EPB41L4A: variants seen among roughly 807,000 people sequenced by gnomAD.
The protein encoded by EPB41L4A is band 4.1-like protein 4A.
In EPB41L4A, 100 loss-of-function variants were observed where a neutral mutation model predicts 108.6. The ratio of observed to expected loss-of-function variants is 0.92; its 90% confidence interval spans 0.78 to 1.09. The LOEUF (loss-of-function observed/expected upper bound fraction) is 1.09. Ranked by LOEUF, EPB41L4A falls within the 50% of genes least tolerant of loss-of-function variation. The probability of loss-of-function intolerance (pLI) is 0.00; values close to 1 mark genes in which losing one functional copy is unlikely to be tolerated. For missense variants in EPB41L4A, 1,030 were observed against 842.7 expected (o/e 1.22, Z -2.75); for synonymous variants, 319 against 289.0 (o/e 1.10, Z -1.05).
At chr5:112,335,864 T>C (rs1756883007) in intron 1 of EPB41L4A, among the ~76,000 whole-genome samples, 1 of 152,216 alleles carries the variant, frequency 6.6e-6, no homozygotes, top group South Asian at 2.1e-4. Context: ...CCATCACAGC[T>C]GGTGTTTCTC....
chr5:112,263,494 G>C (rs1289638327), intron 6 of EPB41L4A: 2 of 152,134 alleles, frequency 1.3e-5, no homozygotes, highest in African/African-American at 4.8e-5. Context: ...AAACACATGA[G>C]AGCCTTTACC....
chr5:112,273,261 T>C (rs1293777030), intron 4 of EPB41L4A, among the ~76,000 whole-genome samples: 1 of 152,250 alleles, frequency 6.6e-6, no homozygotes, highest in African/African-American at 2.4e-5. Flanking sequence ...GCCATCTATG[T>C]CACTGTGTTC....
At chr5:112,412,164 G>A (rs967906504) in intron 1 of EPB41L4A, among the ~76,000 whole-genome samples, 5 of 152,164 alleles carry the variant, frequency 3.3e-5, no homozygotes, top group Admixed American at 1.3e-4. Flanking sequence ...TTTGGTTATT[G>A]TCTGTGTGAG....
Position 112,164,886 on chromosome 5 carries a change from T to TA in EPB41L4A, c.*103dup. 2 of 1,075,302 alleles carry TA rather than the reference T, an allele frequency of 1.9e-6. No homozygotes were observed. Among genetic ancestry groups the TA allele is most frequent in the Non-Finnish European group, 2.6e-6 (2 of 783,122 alleles). The allele number at this position is 1,075,302 out of a possible 1,614,324, so 66.6% of individuals were successfully genotyped here. On this transcript the variant is annotated 3_prime_UTR_variant, in exon 23 of 23. Transcript: ENST00000261486. ...AATGTATTTTCTCATGCTGAAGAAA[T>TA]ACTTGCAGGTCTGAGATTTGAATTA...
At chr5:112,419,313 T>G, upstream of EPB41L4A, 2 of 345,410 alleles carry the variant, frequency 5.8e-6, no homozygotes, top group Non-Finnish European at 5.3e-6. Flanking sequence ...CCGCGCATCC[T>G]GCGGCTCGAG....
At chr5:112,153,422 G>A (rs1022720644) in intron 12 of EPB41L4A, among the ~76,000 whole-genome samples, 9 of 150,764 alleles carry the variant, frequency 6.0e-5, no homozygotes, top group Non-Finnish European at 7.4e-5. Context: ...CCAGCTACTC[G>A]GGAGGCTGAG....
chr5:112,176,545 A>G (rs1489906677), intron 18 of EPB41L4A, among the ~76,000 whole-genome samples: 2 of 151,996 alleles, frequency 1.3e-5, no homozygotes, highest in Non-Finnish European at 2.9e-5. Context: ...CAGAAACTCA[A>G]TGTCATCCAT....
rs149627868 is a variant in EPB41L4A at position 112,326,654 on chromosome 5, A to C, written c.100-19164T>G. 2.0e-5 allele frequency among the ~76,000 whole-genome samples: 3 copies of C among 152,336 alleles called. No homozygotes were observed. In the East Asian group the frequency reaches 5.8e-4, roughly 29 times the overall value. ...ATTGCTTACTTCGGCACTCCTAAAA[A>C]GGATGTTATGTGTGGCAGTTCACAC... On this transcript the variant is annotated intron_variant, in intron 1 of 22. Transcript: ENST00000261486.
At chr5:112,249,867 T>G (rs1348212017) in intron 9 of EPB41L4A, among the ~76,000 whole-genome samples, 1 of 152,202 alleles carries the variant, frequency 6.6e-6, no homozygotes, top group Non-Finnish European at 1.5e-5. Context: ...TGCGCTAATA[T>G]GTACTGTGAA....
intron 17 of EPB41L4A, among the ~76,000 whole-genome samples, chr5:112,185,040 C>T (rs1761356381): frequency 6.6e-6 from 1 of 150,602 alleles, no homozygotes; most frequent in Non-Finnish European, 1.5e-5. Context: ...AGAAGAAGTA[C>T]TTAATTTATG....
downstream of EPB41L4A, among the ~76,000 whole-genome samples, chr5:112,142,124 C>T (rs1383344579): frequency 1.3e-5 from 2 of 152,204 alleles, no homozygotes; most frequent in African/African-American, 4.8e-5. Context: ...TTGGAGAAGG[C>T]TGGCTCTGGG....
intron 1 of EPB41L4A, among the ~76,000 whole-genome samples, chr5:112,394,276 A>G (rs564056583): frequency 7.2e-5 from 11 of 152,314 alleles, no homozygotes; most frequent in African/African-American, 2.6e-4. Flanking sequence ...AAGGTATTCA[A>G]TCAGGAAAAG....
At chr5:112,264,178 C>T (rs976515655) in intron 6 of EPB41L4A, 1 of 152,112 alleles carries the variant, frequency 6.6e-6, no homozygotes, top group African/African-American at 2.4e-5. Flanking sequence ...TGTTACATAA[C>T]AGGGAATAAA....
intron 1 of EPB41L4A, among the ~76,000 whole-genome samples, chr5:112,391,911 G>A (rs915559352): frequency 2.0e-5 from 3 of 152,108 alleles, no homozygotes; most frequent in Non-Finnish European, 4.4e-5. Context: ...AGAGAGTGGG[G>A]GCCAGTATTC....
chr5:112,311,761 G>A (rs1045356533), intron 1 of EPB41L4A, among the ~76,000 whole-genome samples: 2 of 152,170 alleles, frequency 1.3e-5, no homozygotes, highest in Non-Finnish European at 2.9e-5. Context: ...GGTTACTGTA[G>A]AAAGTGCACA....
intron 15 of EPB41L4A, among the ~76,000 whole-genome samples, chr5:112,200,836 A>G (rs1462024784): frequency 1.3e-5 from 2 of 152,216 alleles, no homozygotes; most frequent in Non-Finnish European, 2.9e-5. Context: ...CCACCCAAAA[A>G]GGTTAAGGAC....
intron 6 of EPB41L4A, chr5:112,263,590 C>T (rs1015659989): frequency 6.6e-6 from 1 of 152,118 alleles, no homozygotes. Flanking sequence ...AAACACATTG[C>T]CCTTCCTAAT....
At chr5:112,379,680 C>T (rs1760040260) in intron 1 of EPB41L4A, among the ~76,000 whole-genome samples, 1 of 152,202 alleles carries the variant, frequency 6.6e-6, no homozygotes, top group South Asian at 2.1e-4. Context: ...CAACACTTAA[C>T]ATAAAACCTC....
chr5:112,236,357 T>C (rs931365843), intron 11 of EPB41L4A, among the ~76,000 whole-genome samples: 5 of 152,214 alleles, frequency 3.3e-5, no homozygotes, highest in African/African-American at 1.2e-4. Flanking sequence ...ACAGCACATG[T>C]AGCTGTTGGG....
Sources: gnomAD v4.1 joint callset for allele counts (sites outside exome capture counted in the v4.1 genomes callset) on GRCh38, gnomAD v4.1.1 for gene constraint, MANE v1.5 for transcripts, NCBI Gene and HGNC (gene_info 2026-07-23, HGNC 2026-07-21) for gene names.